The following TBC1D15 variants were observed in gnomAD, a reference collection of about 807,000 sequenced individuals.
TBC1D15 encodes TBC1 domain family member 15.
Under a neutral mutation model 95.4 loss-of-function variants are expected in TBC1D15, and 39 were observed. The ratio of observed to expected loss-of-function variants is 0.41; its 90% CI spans 0.32 to 0.53. The LOEUF is 0.53. Ranked by LOEUF, TBC1D15 falls within the 20% of genes least tolerant of loss-of-function variation. TBC1D15 has a pLI of 0.29. For missense variants in TBC1D15, 733 were observed against 794.3 expected (o/e 0.92, Z 0.93); for synonymous variants, 258 against 261.3 (o/e 0.99, Z 0.12).
At chr12:71,909,848 T>G (rs1901744186) in intron 11 of TBC1D15, among the ~76,000 whole-genome samples, 1 of 152,176 alleles carries the variant, frequency 6.6e-6, no homozygotes, top group African/African-American at 2.4e-5. Flanking sequence ...CTGCAGACTC[T>G]GAGATCACTA....
chr12:71,894,554 A>G, intron 6 of TBC1D15, 132 bp from the exon 7 acceptor site: 1 of 1,089,622 alleles, frequency 9.2e-7, no homozygotes, highest in South Asian at 1.6e-5. Context: ...CAAATTTAAG[A>G]TAATCTTAGA....
intron 1 of TBC1D15, among the ~76,000 whole-genome samples, chr12:71,859,522 C>G (rs1286678468): frequency 6.6e-6 from 1 of 152,094 alleles, no homozygotes; most frequent in Non-Finnish European, 1.5e-5. Flanking sequence ...TTGTCCTGAC[C>G]AGTGCCCTGA....
At chr12:71,862,687 G>T (rs1302613219) in intron 1 of TBC1D15, among the ~76,000 whole-genome samples, 2 of 152,150 alleles carry the variant, frequency 1.3e-5, no homozygotes, top group South Asian at 4.1e-4. Flanking sequence ...TTCGTTAATT[G>T]TTTCTGGTTG....
At chr12:71,882,552 TTTTC>T (rs1895417617) in intron 4 of TBC1D15, among the ~76,000 whole-genome samples, 1 of 152,246 alleles carries the variant, frequency 6.6e-6, no homozygotes, top group African/African-American at 2.4e-5. Flanking sequence ...AACTAATTAA[TTTTC>T]TTTACCTTTG....
chr12:71,904,834 A>G (rs1375235286), intron 10 of TBC1D15, among the ~76,000 whole-genome samples: 6 of 152,210 alleles, frequency 3.9e-5, no homozygotes, highest in Non-Finnish European at 8.8e-5. Context: ...GAAAGGAAGT[A>G]TAAAATAATT....
At chr12:71,895,014 A>G (rs1215315814) in intron 7 of TBC1D15, 131 bp downstream of exon 7, 19 of 756,652 alleles carry the variant, frequency 2.5e-5, no homozygotes, top group African/African-American at 3.5e-5. Context: ...TTGCTAGTAT[A>G]TCTGACAATG....
chr12:71,854,969 G>T, intron 1 of TBC1D15: 1 of 405,902 alleles, frequency 2.5e-6, no homozygotes, highest in Non-Finnish European at 4.8e-6. Context: ...GTATTAGTCC[G>T]TTATCACACT....
At chr12:71,890,263 A>G (rs1449617797) in intron 5 of TBC1D15, among the ~76,000 whole-genome samples, 4 of 152,186 alleles carry the variant, frequency 2.6e-5, no homozygotes, top group Non-Finnish European at 1.5e-5. Context: ...TCCCTGGAGC[A>G]GTTATCCTAA....
intron 1 of TBC1D15, among the ~76,000 whole-genome samples, chr12:71,860,325 T>C (rs1890101359): frequency 6.6e-6 from 1 of 152,234 alleles, no homozygotes; most frequent in African/African-American, 2.4e-5. Context: ...TTGCATTGAA[T>C]GTTTAGATTG....
intron 1 of TBC1D15, among the ~76,000 whole-genome samples, chr12:71,844,046 G>A (rs1043284249): frequency 4.6e-5 from 7 of 152,070 alleles, no homozygotes; most frequent in African/African-American, 1.4e-4. Context: ...GTCCTTGACT[G>A]TTCTCCCCTT....
chr12:71,917,296 C>T (rs1362973946), intron 12 of TBC1D15, among the ~76,000 whole-genome samples: 1 of 152,084 alleles, frequency 6.6e-6, no homozygotes, highest in Non-Finnish European at 1.5e-5. Context: ...GAAATACATA[C>T]TAAAACTAAA....
intron 1 of TBC1D15, chr12:71,861,413 T>G: frequency 6.8e-7 from 1 of 1,479,666 alleles, no homozygotes; most frequent in Non-Finnish European, 8.9e-7. Flanking sequence ...AGGTTTTTGG[T>G]TTCTTCTTGA....
intron 3 of TBC1D15, among the ~76,000 whole-genome samples, chr12:71,880,175 A>G (rs2138455920): frequency 6.6e-6 from 1 of 152,252 alleles, no homozygotes; most frequent in African/African-American, 2.4e-5. Flanking sequence ...AAAGCAGGAA[A>G]AAGGAAAAAA....
chr12:71,900,852 T>A (rs1899218722), intron 10 of TBC1D15, among the ~76,000 whole-genome samples: 1 of 152,100 alleles, frequency 6.6e-6, no homozygotes, highest in African/African-American at 2.4e-5. Flanking sequence ...AGGAAAGTGA[T>A]ATTTGAATAG....
intron 1 of TBC1D15, among the ~76,000 whole-genome samples, chr12:71,858,123 A>G (rs1889526225): frequency 6.6e-6 from 1 of 151,130 alleles, no homozygotes; most frequent in Non-Finnish European, 1.5e-5. Flanking sequence ...CCCAGGCTGG[A>G]GTGCAGTGGC....
intron 1 of TBC1D15, among the ~76,000 whole-genome samples, chr12:71,857,024 T>C (rs1889234674): frequency 6.6e-6 from 1 of 152,192 alleles, no homozygotes; most frequent in South Asian, 2.1e-4. Context: ...CGTAAAGTAA[T>C]GCGTAATAAA....
In TBC1D15 at chr12:71,851,318, C is replaced by T. The variant is rs149479019; in HGVS notation, c.30+11507C>T. On this transcript the variant is annotated intron_variant, in intron 1 of 16. Transcript: ENST00000485960. ...CCCCCACTATTACCTCCCCCCAGGC[C>T]CCACCTCCAACGTTGGGTATTGTAA... Among the ~76,000 whole-genome samples, 98 of 152,100 alleles carry T rather than the reference C, an allele frequency of 6.4e-4. 1 individual carries two copies. Among genetic ancestry groups the T allele is most frequent in the South Asian group, 3.5e-3 (17 of 4,796 alleles).
At chr12:71,869,792 C>T (rs747820334) in intron 1 of TBC1D15, among the ~76,000 whole-genome samples, 1 of 152,136 alleles carries the variant, frequency 6.6e-6, no homozygotes, top group East Asian at 1.9e-4. Context: ...GTTCACCCTC[C>T]TGTTTGATAA....
chr12:71,856,399 T>C (rs1889079043), intron 1 of TBC1D15, among the ~76,000 whole-genome samples: 1 of 152,184 alleles, frequency 6.6e-6, no homozygotes, highest in Admixed American at 6.5e-5. Context: ...CTGTTTTAGA[T>C]GCATGGTGCT....
Sources: gnomAD v4.1 joint callset for allele counts (sites outside exome capture counted in the v4.1 genomes callset) on GRCh38, gnomAD v4.1.1 for gene constraint, MANE v1.5 for transcripts, NCBI Gene and HGNC (gene_info 2026-07-23, HGNC 2026-07-21) for gene names.